The following ROBO2 variants were observed in gnomAD, a reference collection of about 807,000 sequenced individuals.
ROBO2 encodes roundabout homolog 2.
A neutral mutation model predicts 160.8 loss-of-function variants in ROBO2; 53 were observed. That is an observed-to-expected ratio of 0.33 (90% CI 0.26 to 0.41). The LOEUF (loss-of-function observed/expected upper bound fraction) is 0.41. Among genes scored for constraint, ROBO2 ranks in the 10% least tolerant of loss-of-function variants. The pLI, the probability that ROBO2 is intolerant of heterozygous loss-of-function variation, is 1.00. For synonymous variants in ROBO2, 664 were observed against 611.7 expected, an observed-to-expected ratio of 1.09 and a Z score of -1.26; for missense variants, 1,577 against 1,722.4, an observed-to-expected ratio of 0.92 and a Z score of 1.49.
chr3:76,819,261 T>C (rs2065925216), intron 2 of ROBO2, among the ~76,000 whole-genome samples: 1 of 152,084 alleles, frequency 6.6e-6, no homozygotes, highest in Non-Finnish European at 1.5e-5. Flanking sequence ...ACTTGAGATC[T>C]GAAGAATGAG....
chr3:77,105,622 A>G (rs2072690672), intron 2 of ROBO2, among the ~76,000 whole-genome samples: 1 of 152,164 alleles, frequency 6.6e-6, no homozygotes, highest in African/African-American at 2.4e-5. Flanking sequence ...GGGAACGTGT[A>G]TGAATTTGTG....
intron 2 of ROBO2, among the ~76,000 whole-genome samples, chr3:76,187,851 A>G (rs565798192): frequency 1.4e-4 from 21 of 152,264 alleles, no homozygotes; most frequent in African/African-American, 5.1e-4. Flanking sequence ...ATTGGGTCAC[A>G]TAATTCCTAT....
At chr3:77,085,507 C>T (rs1205092028) in intron 1 of ROBO2, among the ~76,000 whole-genome samples, 1 of 152,044 alleles carries the variant, frequency 6.6e-6, no homozygotes, top group Non-Finnish European at 1.5e-5. Flanking sequence ...ATGATGCTGT[C>T]ACTTCTGTTC....
Position 77,339,941 on chromosome 3 carries a change from G to A in ROBO2, c.389-137473G>A, listed in dbSNP as rs2066890873. On this transcript the variant is annotated intron_variant, in intron 2 of 25. Transcript: ENST00000461745. The stretch of plus-strand genomic sequence containing the variant: ...TTGTTGATGCACATCATGAATAGCA[G>A]CTTTATTTGATGGCAAATGAGATGC... 2.0e-5 allele frequency among the ~76,000 whole-genome samples: 3 copies of A among 152,154 alleles called. 1 individual carries two copies. The highest frequency in any genetic ancestry group is 4.4e-5 in the Non-Finnish European group (3 of 67,960).
chr3:77,108,024 AT>A (rs201259009), intron 2 of ROBO2, among the ~76,000 whole-genome samples: 3,361 of 151,838 alleles, frequency 0.022, 130 homozygotes, highest in African/African-American at 0.077. Flanking sequence ...ACATACATAT[AT>A]TTTTTTCTTA....
intron 2 of ROBO2, among the ~76,000 whole-genome samples, chr3:76,967,162 T>A (rs920986731): frequency 6.6e-6 from 1 of 151,994 alleles, no homozygotes; most frequent in Non-Finnish European, 1.5e-5. Context: ...GAATTACACA[T>A]GTACAGTTAG....
chr3:76,752,130 A>G (rs1428405579), intron 2 of ROBO2, among the ~76,000 whole-genome samples: 1 of 152,162 alleles, frequency 6.6e-6, no homozygotes, highest in East Asian at 1.9e-4. Flanking sequence ...GGATGAGTTC[A>G]TGTCTTTTGT....
intron 2 of ROBO2, among the ~76,000 whole-genome samples, chr3:77,443,361 TC>T (rs2080144164): frequency 6.6e-6 from 1 of 152,082 alleles, no homozygotes; most frequent in Non-Finnish European, 1.5e-5. Context: ...GATTTTTTTC[TC>T]ACTTAAAATC....
chr3:76,116,937 T>C lies in ROBO2; in HGVS notation c.109+179335T>C, dbSNP rs537145945. 3.3e-5 allele frequency among the ~76,000 whole-genome samples: 5 copies of C among 152,300 alleles called. No homozygotes were observed. The South Asian group carries it at 1.0e-3, about 32-fold the overall frequency. On this transcript the variant is annotated intron_variant, in intron 2 of 26. Transcript: ENST00000487694. ...ATTACTCTAGCTAGTAGATTTCTTC[T>C]CTAAGCCTCTGCAGTTTATCCCAGT...
intron 6 of ROBO2, among the ~76,000 whole-genome samples, chr3:77,539,116 C>T (rs2092332481): frequency 6.6e-6 from 1 of 152,092 alleles, no homozygotes; most frequent in African/African-American, 2.4e-5. Context: ...GACGAGGTTT[C>T]ACCATGTTGC....
chr3:76,816,665 T>C (rs2065693213), intron 2 of ROBO2, among the ~76,000 whole-genome samples: 1 of 151,996 alleles, frequency 6.6e-6, no homozygotes, highest in Non-Finnish European at 1.5e-5. Flanking sequence ...AGTGTGGCAA[T>C]TCCTCAAGGA....
intron 2 of ROBO2, among the ~76,000 whole-genome samples, chr3:77,326,278 T>TTGTGA (rs1473396555): frequency 6.6e-6 from 1 of 152,182 alleles, no homozygotes; most frequent in Non-Finnish European, 1.5e-5. Context: ...GTGGGGAATT[T>TTGTGA]TGTGATTAAT....
At chr3:76,242,737 T>G (rs1016205416) in intron 2 of ROBO2, among the ~76,000 whole-genome samples, 1 of 151,870 alleles carries the variant, frequency 6.6e-6, no homozygotes. Context: ...TATAAAAAAT[T>G]GGCAAGACAT....
chr3:77,145,098 G>A (rs1368901182), intron 2 of ROBO2, among the ~76,000 whole-genome samples: 2 of 151,996 alleles, frequency 1.3e-5, no homozygotes, highest in African/African-American at 4.8e-5. Flanking sequence ...AAGTTAATTG[G>A]CTTTATACCT....
chr3:77,588,390 T>C (rs896115465), intron 16 of ROBO2, among the ~76,000 whole-genome samples: 5 of 152,180 alleles, frequency 3.3e-5, no homozygotes, highest in African/African-American at 2.4e-5. Flanking sequence ...AAAGTTGTAA[T>C]TGCTTTCTTA....
chr3:76,103,919 A>C (rs1415866382), intron 2 of ROBO2, among the ~76,000 whole-genome samples: 1 of 152,186 alleles, frequency 6.6e-6, no homozygotes, highest in Non-Finnish European at 1.5e-5. Flanking sequence ...GCCCCAGTGA[A>C]CATAAAAAAC....
intron 2 of ROBO2, among the ~76,000 whole-genome samples, chr3:76,973,002 T>A (rs2059643755): frequency 6.6e-6 from 1 of 152,190 alleles, no homozygotes; most frequent in South Asian, 2.1e-4. Flanking sequence ...TAAAGAGCTA[T>A]TTAGTGCAAG....
intron 2 of ROBO2, among the ~76,000 whole-genome samples, chr3:76,662,101 C>G (rs184698208): frequency 2.8e-3 from 428 of 152,180 alleles, no homozygotes; most frequent in African/African-American, 9.9e-3. Flanking sequence ...GAGACATATT[C>G]AATGCCCCAC....
chr3:77,322,266 T>C (rs549330953), intron 2 of ROBO2, among the ~76,000 whole-genome samples: 1 of 152,278 alleles, frequency 6.6e-6, no homozygotes, highest in Admixed American at 6.5e-5. Context: ...AACATAGTGT[T>C]CCTTGGAAGG....
Sources: allele counts gnomAD v4.1 joint callset (sites outside exome capture counted in the v4.1 genomes callset), GRCh38; gene constraint gnomAD v4.1.1; transcripts MANE v1.5; gene names NCBI Gene and HGNC (gene_info 2026-07-23, HGNC 2026-07-21).